MED9: variants seen among roughly 807,000 people sequenced by gnomAD.
MED9 encodes mediator of RNA polymerase II transcription subunit 9.
Under a neutral mutation model 13.2 loss-of-function variants are expected in MED9, and 8 were observed. The observed-to-expected ratio is 0.61, with a 90% CI of 0.36 to 1.10. The LOEUF (loss-of-function observed/expected upper bound fraction) is 1.10. Among genes scored for constraint, MED9 ranks in the 50% least tolerant of loss-of-function variants. The pLI is 0.02. For synonymous variants in MED9, 87 were observed against 82.8 expected, an observed-to-expected ratio of 1.05 and a Z score of -0.28; for missense variants, 180 against 193.4, an observed-to-expected ratio of 0.93 and a Z score of 0.41.
intron 1 of MED9, chr17:17,477,528 C>CA (rs1193098839): frequency 2.2e-6 from 1 of 462,604 alleles, no homozygotes; most frequent in East Asian, 3.6e-5. Flanking sequence ...TCCAGCGGCT[C>CA]AAATGTTCAT....
chr17:17,491,532 A>G lies in MED9; in HGVS notation c.*37A>G. The G allele has an allele frequency of 1.9e-6, 3 of 1,551,402 alleles. No individual in the cohort carries two copies. The highest frequency in any genetic ancestry group is 4.5e-5 in the East Asian group (2 of 44,572). ...CTTCCTTAGAAAGAGGGGGAAGCCA[A>G]TGGCCTGTCTCCCCACTACCATCCC... On this transcript the variant is annotated 3_prime_UTR_variant, in exon 2 of 2. Transcript: ENST00000268711.
At chr17:17,487,059 G>A (rs990012807) in intron 1 of MED9, 10 of 152,208 alleles carry the variant, frequency 6.6e-5, no homozygotes, top group African/African-American at 2.2e-4. Flanking sequence ...TTTAGCTCAA[G>A]GTTTGTGAAT....
In MED9 at chr17:17,483,710, G is replaced by A. The variant is rs916828428; in HGVS notation, c.224+6445G>A. On this transcript the variant is annotated intron_variant, in intron 1 of 1. Transcript: ENST00000268711. The surrounding 1 kb of genome is among the most constrained non-coding windows in gnomAD (Gnocchi z 4.2). ...TCCCAGCACTTTGGGAGGCCGAGGCGGGTGGATCACGAGGTCAGGAGATCG... is the reference window on the plus strand; with the variant it reads ...TCCCAGCACTTTGGGAGGCCGAGGCAGGTGGATCACGAGGTCAGGAGATCG... Among the ~76,000 whole-genome samples, 5 of 152,090 alleles carry A rather than the reference G, an allele frequency of 3.3e-5. No homozygotes were observed. Among genetic ancestry groups the A allele is most frequent in the South Asian group, 2.1e-4 (1 of 4,824 alleles).
intron 1 of MED9, chr17:17,477,834 G>T (rs1280819022): frequency 6.6e-6 from 1 of 152,598 alleles, no homozygotes; most frequent in Non-Finnish European, 1.5e-5. Context: ...TGCCTCAGAT[G>T]ATTAGACCCA....
Position 17,491,852 on chromosome 17 carries a change from G to A in MED9, c.*357G>A, listed in dbSNP as rs907223641. The stretch of plus-strand genomic sequence containing the variant: ...CCCACTGACAGATCTGAAGAGCACA[G>A]TAGGAAGGGAGGCGGCTCCTCTTTG... On this transcript the variant is annotated 3_prime_UTR_variant, in exon 2 of 2. Coordinates refer to ENST00000268711, the MANE Select transcript of MED9 (RefSeq NM_018019.3). The A allele has an allele frequency of 2.0e-4, 64 of 316,588 alleles. No homozygotes were observed. The highest frequency in any genetic ancestry group is 3.6e-4 in the Non-Finnish European group (59 of 164,406). 19.6% of individuals were successfully genotyped at this position (316,588 alleles called of 1,614,324 possible).
Position 17,477,232 on chromosome 17 carries a change from C to T in MED9, c.191C>T (p.Ser64Phe). 1 of 1,606,812 alleles carries T rather than the reference C, an allele frequency of 6.2e-7. No homozygotes were observed. Residue 64 changes from serine (S) to phenylalanine (F), a missense_variant, in exon 1 of 2, where the codon TCC becomes TTC. Ser to Phe is a radical substitution (Grantham distance 155). Transcript: ENST00000268711. Reference protein sequence around the residue: ...PARAREEENYSFLPLVHNIIK... With the variant: ...PARAREEENYFFLPLVHNIIK... ...CGCGCGAGGGAGGAAGAGAACTACT[C>T]CTTTTTACCTTTGGTTCACAACATC... is the stretch of plus-strand genomic sequence containing the variant.
intron 1 of MED9, among the ~76,000 whole-genome samples, chr17:17,480,450 G>C (rs73292346): frequency 0.076 from 11,580 of 152,166 alleles, 896 homozygotes; most frequent in African/African-American, 0.2. Flanking sequence ...AAATATATGA[G>C]TGGATGGCCA....
intron 1 of MED9, among the ~76,000 whole-genome samples, chr17:17,477,935 A>T (rs1904955658): frequency 6.6e-6 from 1 of 152,164 alleles, no homozygotes; most frequent in African/African-American, 2.4e-5. Flanking sequence ...TTTCAAAGTG[A>T]CTCTGTAGAG....
At chr17:17,479,266 ATCT>A (rs142834483) in intron 1 of MED9, among the ~76,000 whole-genome samples, 2,160 of 152,330 alleles carry the variant, frequency 0.014, 54 homozygotes, top group African/African-American at 0.049. Context: ...CTAGGCCATA[ATCT>A]TCTTATCTCT....
intron 1 of MED9, among the ~76,000 whole-genome samples, chr17:17,489,444 G>A (rs1242426382): frequency 6.6e-6 from 1 of 152,054 alleles, no homozygotes; most frequent in Non-Finnish European, 1.5e-5. Context: ...GTACTTTTTT[G>A]TTTGTTTTAC....
At chr17:17,490,894 T>A (rs1365101765) in intron 1 of MED9, among the ~76,000 whole-genome samples, 1 of 152,268 alleles carries the variant, frequency 6.6e-6, no homozygotes, top group Non-Finnish European at 1.5e-5. Context: ...AACATGTTCA[T>A]GAGCTTATTT....
At chr17:17,490,199 G>A (rs1156661977) in intron 1 of MED9, among the ~76,000 whole-genome samples, 2 of 152,240 alleles carry the variant, frequency 1.3e-5, no homozygotes, top group African/African-American at 4.8e-5. Context: ...ACTTTGGGAG[G>A]CCGAGGCAGG....
At chr17:17,486,887 T>C (rs889500608) in intron 1 of MED9, 3 of 152,304 alleles carry the variant, frequency 2.0e-5, no homozygotes, top group African/African-American at 7.2e-5. Flanking sequence ...CAGCACCCTG[T>C]GTTTAGCTCA....
At chr17:17,491,208 A>G in intron 1 of MED9, 71 bp from the exon 2 acceptor site, 1 of 1,379,828 alleles carries the variant, frequency 7.2e-7, no homozygotes, top group Non-Finnish European at 1.0e-6. Flanking sequence ...AGCCAGCTCT[A>G]GGGGGTGCAG....
At chr17:17,488,785 A>G (rs1457447751) in intron 1 of MED9, among the ~76,000 whole-genome samples, 1 of 152,088 alleles carries the variant, frequency 6.6e-6, no homozygotes, top group Non-Finnish European at 1.5e-5. Flanking sequence ...GTGAGCCAAG[A>G]TCGCACCATT....
intron 1 of MED9, among the ~76,000 whole-genome samples, chr17:17,480,338 A>C (rs1905011988): frequency 6.6e-6 from 1 of 152,170 alleles, no homozygotes; most frequent in East Asian, 1.9e-4. Context: ...TTAAGAGAAA[A>C]GACATTGGAA....
chr17:17,481,856 A>G (rs1905038214), intron 1 of MED9, among the ~76,000 whole-genome samples: 1 of 152,254 alleles, frequency 6.6e-6, no homozygotes, highest in African/African-American at 2.4e-5. Flanking sequence ...AGTGATAGTT[A>G]TGCTAAATTT....
intron 1 of MED9, among the ~76,000 whole-genome samples, chr17:17,478,356 A>G (rs1373369724): frequency 6.6e-6 from 1 of 152,262 alleles, no homozygotes; most frequent in Non-Finnish European, 1.5e-5. Context: ...TCAGGTGAAC[A>G]TGAATGTGCT....
chr17:17,485,618 C>A (rs1905115293), intron 1 of MED9: 2 of 325,434 alleles, frequency 6.1e-6, no homozygotes, highest in South Asian at 1.6e-4. Flanking sequence ...GGACTGCACC[C>A]TCCCCCCGTC....
Sources: allele counts gnomAD v4.1 joint callset (sites outside exome capture counted in the v4.1 genomes callset), GRCh38; gene constraint gnomAD v4.1.1; non-coding constraint Gnocchi (gnomAD v3.1); transcripts MANE v1.5; gene names NCBI Gene and HGNC (gene_info 2026-07-23, HGNC 2026-07-21).